Variants in EMCN observed in about 807,000 individuals in gnomAD.
EMCN encodes the protein MUC-14.
Under a neutral mutation model 38.4 loss-of-function variants are expected in EMCN, and 37 were observed. That is an observed-to-expected ratio of 0.96 (90% CI 0.74 to 1.27). The LOEUF is 1.27. Among genes scored for constraint, EMCN ranks in the 50% most tolerant of loss-of-function variants. EMCN has a pLI of 0.00. For synonymous variants in EMCN, 95 were observed against 100.8 expected (o/e 0.94, Z 0.35); for missense variants, 318 against 302.8 (o/e 1.05, Z -0.37).
chr4:100,483,283 A>G (rs1728859351), intron 1 of EMCN: 1 of 152,138 alleles, frequency 6.6e-6, no homozygotes, highest in Admixed American at 6.6e-5. Context: ...GTTAAGTGAT[A>G]TAGTTGGTAT....
At chr4:100,422,658 C>A (rs1281094534) in intron 7 of EMCN, among the ~76,000 whole-genome samples, 3 of 151,552 alleles carry the variant, frequency 2.0e-5, no homozygotes. Flanking sequence ...GGAAATAATT[C>A]ACTTTTATGG....
In EMCN at chr4:100,470,391, A is replaced by T. The variant is rs577808694; in HGVS notation, c.259+4647T>A. On this transcript the variant is annotated intron_variant, in intron 3 of 11. Transcript: ENST00000296420. ...TTACTAAAATGTTAAAAAAAAAAAC[A>T]GGTGCCAGTGAGGTTGTGGAGAAAA... Among the ~76,000 whole-genome samples the T allele has an allele frequency of 6.6e-5, 10 of 151,980 alleles. No homozygotes were observed. In the South Asian group the frequency reaches 2.1e-3, roughly 32 times the overall value.
intron 8 of EMCN, among the ~76,000 whole-genome samples, chr4:100,420,240 G>A (rs1226341559): frequency 6.6e-6 from 1 of 152,046 alleles, no homozygotes; most frequent in Non-Finnish European, 1.5e-5. Context: ...GGAGAAATAA[G>A]TAACTGTACT....
chr4:100,515,210 CCTT>C (rs1472647238), intron 1 of EMCN, among the ~76,000 whole-genome samples: 5 of 152,088 alleles, frequency 3.3e-5, no homozygotes, highest in Non-Finnish European at 5.9e-5. Context: ...CATATTGTTT[CCTT>C]CTTCTTGGAG....
intron 5 of EMCN, among the ~76,000 whole-genome samples, chr4:100,440,519 C>T (rs187836729): frequency 2.6e-5 from 4 of 152,192 alleles, no homozygotes; most frequent in East Asian, 1.9e-4. Context: ...AGTTACTTCA[C>T]TTAAAATAAT....
intron 3 of EMCN, among the ~76,000 whole-genome samples, chr4:100,474,788 C>T (rs1728587336): frequency 1.3e-5 from 2 of 152,060 alleles, no homozygotes; most frequent in South Asian, 4.1e-4. Flanking sequence ...ATGAAATGTC[C>T]AGAACAGGCA....
chr4:100,499,059 AT>A (rs201181908), intron 1 of EMCN, among the ~76,000 whole-genome samples: 1,896 of 150,808 alleles, frequency 0.013, 46 homozygotes, highest in African/African-American at 0.044. Context: ...TTAATGTTCC[AT>A]TTTTTTTTAA....
At chr4:100,485,535 C>G (rs140932331) in intron 1 of EMCN, among the ~76,000 whole-genome samples, 1 of 151,476 alleles carries the variant, frequency 6.6e-6, no homozygotes, top group African/African-American at 2.4e-5. Flanking sequence ...CAGCAAATGA[C>G]CATTAATGAA....
At chr4:100,457,493 A>G (rs1728051910) in intron 4 of EMCN, among the ~76,000 whole-genome samples, 1 of 152,148 alleles carries the variant, frequency 6.6e-6, no homozygotes, top group Admixed American at 6.6e-5. Context: ...TAGTTTATTG[A>G]GCATTTTTAT....
chr4:100,497,500 CT>C (rs1729239866), intron 1 of EMCN, among the ~76,000 whole-genome samples: 1 of 152,118 alleles, frequency 6.6e-6, no homozygotes, highest in Non-Finnish European at 1.5e-5. Flanking sequence ...CTTCAGCCTC[CT>C]GAGTAGTTGG....
chr4:100,451,274 T>C (rs1226998982), intron 4 of EMCN, among the ~76,000 whole-genome samples: 7 of 151,986 alleles, frequency 4.6e-5, no homozygotes, highest in Admixed American at 3.3e-4. Context: ...ATAGCACAGA[T>C]GATATACATC....
intron 5 of EMCN, among the ~76,000 whole-genome samples, chr4:100,427,350 C>T (rs1205645779): frequency 1.3e-5 from 2 of 152,066 alleles, no homozygotes; most frequent in African/African-American, 4.8e-5. Flanking sequence ...CAGTTCCCTG[C>T]AGCCTTCATT....
intron 10 of EMCN, 115 bp from the exon 11 acceptor site, chr4:100,410,470 G>A: frequency 9.9e-7 from 1 of 1,007,126 alleles, no homozygotes; most frequent in Non-Finnish European, 1.5e-6. Flanking sequence ...CTGCAAGAAT[G>A]TCATTAAAGC....
At chr4:100,400,115 C>T (rs1369098563) in intron 11 of EMCN, among the ~76,000 whole-genome samples, 7 of 152,112 alleles carry the variant, frequency 4.6e-5, no homozygotes, top group South Asian at 2.1e-4. Flanking sequence ...CAGAGGTCAA[C>T]GCTTCTCAAG....
intron 10 of EMCN, among the ~76,000 whole-genome samples, chr4:100,414,410 G>C (rs1435035555): frequency 1.4e-5 from 2 of 138,298 alleles, no homozygotes; most frequent in African/African-American, 5.6e-5. Context: ...AATAGGCCTG[G>C]CTACTTAGTA....
At position 100,497,477 on chromosome 4, in the gene EMCN, T is replaced by C. The variant is rs1008441735; in HGVS notation, c.65-17438A>G. Among the ~76,000 whole-genome samples the C allele has an allele frequency of 3.3e-5, 5 of 151,970 alleles. No homozygotes were observed. In the East Asian group the frequency reaches 7.7e-4, roughly 24 times the overall value. ...CTGCAAGCTCCGCCTCCCAGGTTCA[T>C]GCCATTCTCCTGCTTCAGCCTCCTG... On this transcript the variant is annotated intron_variant, in intron 1 of 11. Coordinates refer to ENST00000296420, the MANE Select transcript of EMCN (RefSeq NM_016242.4).
chr4:100,429,583 G>C (rs889629562), intron 5 of EMCN, among the ~76,000 whole-genome samples: 1 of 152,014 alleles, frequency 6.6e-6, no homozygotes, highest in South Asian at 2.1e-4. Context: ...GCTTTGCTTT[G>C]GGCCGTCAAT....
At chr4:100,479,436 C>G (rs975663859) in intron 2 of EMCN, among the ~76,000 whole-genome samples, 8 of 151,940 alleles carry the variant, frequency 5.3e-5, no homozygotes, top group South Asian at 2.1e-4. Flanking sequence ...CCTTTAATAC[C>G]TAGCTAGATA....
chr4:100,454,154 C>T (rs1359705736), intron 4 of EMCN, among the ~76,000 whole-genome samples: 1 of 149,330 alleles, frequency 6.7e-6, no homozygotes, highest in Non-Finnish European at 1.5e-5. Context: ...GCACATGTAC[C>T]CTAAAACTTA....
Sources: gnomAD v4.1 joint callset for allele counts (sites outside exome capture counted in the v4.1 genomes callset) on GRCh38, gnomAD v4.1.1 for gene constraint, MANE v1.5 for transcripts, NCBI Gene and HGNC (gene_info 2026-07-23, HGNC 2026-07-21) for gene names.